The following GTF3C3 variants were observed in gnomAD, a reference collection of about 807,000 sequenced individuals.
GTF3C3 encodes the protein general transcription factor 3C polypeptide 3.
A neutral mutation model predicts 105.2 loss-of-function variants in GTF3C3; 75 were observed. The ratio of observed to expected loss-of-function variants is 0.71; its 90% confidence interval spans 0.59 to 0.86. GTF3C3 has a LOEUF of 0.86. Ranked by LOEUF, GTF3C3 falls within the 40% of genes least tolerant of loss-of-function variation. The pLI, the probability that GTF3C3 is intolerant of heterozygous loss-of-function variation, is 0.00. For missense variants in GTF3C3, 856 were observed against 1,076.5 expected (o/e 0.80, Z 2.87); for synonymous variants, 335 against 370.4 (o/e 0.90, Z 1.10).
At chr2:196,792,363 G>C (rs1473335504) in intron 3 of GTF3C3, among the ~76,000 whole-genome samples, 1 of 152,048 alleles carries the variant, frequency 6.6e-6, no homozygotes, top group Non-Finnish European at 1.5e-5. Context: ...GCCTCACTAT[G>C]TTGCTCAGGC....
In GTF3C3 at chr2:196,793,168, T is replaced by C. The variant is rs1699582081; in HGVS notation, c.215-16A>G. On this transcript the variant is annotated splice_polypyrimidine_tract_variant and intron_variant, in intron 2 of 17. Transcript: ENST00000263956. ...GATGTTTCTCCTGAGAAAAGAGACA[T>C]TGATGGGGGAGGGGTGGGGAAGCTG... is the stretch of plus-strand genomic sequence containing the variant. 3 of 1,555,448 alleles carry C rather than the reference T, an allele frequency of 1.9e-6. No homozygotes were observed. Among genetic ancestry groups the C allele is most frequent in the Non-Finnish European group, 2.6e-6 (3 of 1,138,554 alleles).
At chr2:196,781,518 G>T (rs758731330) in intron 8 of GTF3C3, among the ~76,000 whole-genome samples, 32 of 150,648 alleles carry the variant, frequency 2.1e-4, no homozygotes, top group Non-Finnish European at 4.3e-4. Flanking sequence ...ATCTAGAGAT[G>T]ATTTAAAGTA....
rs757301031 is a variant in GTF3C3 at position 196,768,080 on chromosome 2, T to C, written c.2386-1363A>G. Among the ~76,000 whole-genome samples the C allele has an allele frequency of 3.9e-5, 6 of 152,228 alleles. No individual in the cohort carries two copies. The East Asian group carries it at 5.8e-4, about 15-fold the overall frequency. ...TCTATCACACAGGAGTGCAGTGGTGTGATCTCAGCTCATTGCAACCTCCAC... is the reference window on the plus strand; with the variant it reads ...TCTATCACACAGGAGTGCAGTGGTGCGATCTCAGCTCATTGCAACCTCCAC... On this transcript the variant is annotated intron_variant, in intron 16 of 17. Transcript: ENST00000263956.
chr2:196,792,512 A>G (rs1004572481), intron 3 of GTF3C3, among the ~76,000 whole-genome samples: 7 of 152,116 alleles, frequency 4.6e-5, no homozygotes, highest in Admixed American at 2.6e-4. Context: ...ATAAGCAATA[A>G]TTAAGGTTTT....
At chr2:196,769,778 G>A (rs1699137836) in intron 16 of GTF3C3, 137 bp downstream of exon 16, 2 of 635,236 alleles carry the variant, frequency 3.1e-6, no homozygotes, top group East Asian at 2.9e-5. Context: ...GAACACTGGG[G>A]TAAGTGTTGG....
intron 2 of GTF3C3, among the ~76,000 whole-genome samples, chr2:196,795,364 C>A (rs1219484684): frequency 6.6e-6 from 1 of 152,202 alleles, no homozygotes; most frequent in East Asian, 1.9e-4. Flanking sequence ...TACGCATACT[C>A]ACTTATGTGA....
At chr2:196,798,991 GA>G (rs960780246) in intron 1 of GTF3C3, among the ~76,000 whole-genome samples, 14 of 151,872 alleles carry the variant, frequency 9.2e-5, no homozygotes, top group Non-Finnish European at 1.8e-4. Flanking sequence ...TAAGTATGGG[GA>G]AAAAAAAGGT....
chr2:196,769,164 C>G (rs1265616563), intron 16 of GTF3C3, among the ~76,000 whole-genome samples: 1 of 152,136 alleles, frequency 6.6e-6, no homozygotes, highest in Non-Finnish European at 1.5e-5. Flanking sequence ...TTAATGAACT[C>G]ATACCTAGTT....
intron 1 of GTF3C3, among the ~76,000 whole-genome samples, chr2:196,798,179 AAAAT>A (rs750088611): frequency 6.6e-4 from 100 of 152,344 alleles, no homozygotes; most frequent in African/African-American, 1.9e-3. Context: ...TTTGTAAAAA[AAAAT>A]AAATAAAATA....
intron 4 of GTF3C3, 45 bp from the exon 5 acceptor site, chr2:196,790,115 G>A (rs748349495): frequency 1.5e-4 from 191 of 1,316,590 alleles, no homozygotes; most frequent in Middle Eastern, 3.7e-4. Flanking sequence ...GAGAGAAGAG[G>A]CTTGAGTTGA....
intron 2 of GTF3C3, among the ~76,000 whole-genome samples, chr2:196,797,103 G>A (rs1699660344): frequency 6.6e-6 from 1 of 152,188 alleles, no homozygotes; most frequent in African/African-American, 2.4e-5. Context: ...TATACATGAA[G>A]CTACATTCTA....
chr2:196,787,819 G>A (rs1052402352), intron 6 of GTF3C3, among the ~76,000 whole-genome samples: 8 of 152,118 alleles, frequency 5.3e-5, no homozygotes, highest in African/African-American at 1.9e-4. Context: ...CTGGTCTCCT[G>A]TATAGTACCT....
At chr2:196,793,704 A>G (rs1166869206) in intron 2 of GTF3C3, among the ~76,000 whole-genome samples, 8 of 152,186 alleles carry the variant, frequency 5.3e-5, no homozygotes, top group Non-Finnish European at 1.2e-4. Flanking sequence ...GTATATATAC[A>G]CTTAGAATGC....
At chr2:196,773,463 C>G (rs1279459287) in intron 13 of GTF3C3, among the ~76,000 whole-genome samples, 4 of 152,138 alleles carry the variant, frequency 2.6e-5, no homozygotes, top group Non-Finnish European at 2.9e-5. Flanking sequence ...CAGGGTAGAA[C>G]AAGTATACTT....
At chr2:196,764,970 G>GA (rs1344152842) in intron 17 of GTF3C3, among the ~76,000 whole-genome samples, 1 of 151,956 alleles carries the variant, frequency 6.6e-6, no homozygotes, top group Non-Finnish European at 1.5e-5. Context: ...AACCATAAAA[G>GA]AAAAAATACA....
intron 16 of GTF3C3, chr2:196,766,926 A>T: frequency 2.8e-6 from 1 of 358,964 alleles, no homozygotes; most frequent in Non-Finnish European, 5.0e-6. Context: ...GCTAGGGATA[A>T]ATATTCACAG....
In GTF3C3 at chr2:196,775,145, T is replaced by G; in HGVS notation, c.1802A>C (p.Asp601Ala). Residue 601 changes from aspartate (D) to alanine (A), a missense_variant, in exon 13 of 18, where the codon GAC becomes GCC. Asp to Ala is a moderately radical substitution (Grantham distance 126). Coordinates refer to ENST00000263956, the MANE Select transcript of GTF3C3 (RefSeq NM_012086.5). ...TGCATCACAATTTGCTGACTCTTGG[T>G]CATTGCTGTCTGATATTTTGTCTCT... Reference protein sequence around the residue: ...VSRDKISDSNDQESANCDAKA... With the variant: ...VSRDKISDSNAQESANCDAKA... 6.2e-7 allele frequency: 1 copy of G among 1,613,070 alleles called. No homozygotes were observed. Among genetic ancestry groups the G allele is most frequent in the Non-Finnish European group, 8.5e-7 (1 of 1,179,260 alleles).
chr2:196,793,007 A>T lies in GTF3C3; in HGVS notation c.360T>A (p.Asp120Glu), dbSNP rs775604234. The change falls in exon 3 of 18, where the codon GAT becomes GAA. Residue 120 changes from aspartate (D) to glutamate (E), a missense_variant. By Grantham distance (45) the Asp-to-Glu change is conservative (BLOSUM62 2). This residue lies in a region of GTF3C3 where 605 missense variants were observed against 833.6 expected (regional missense o/e 0.73). Transcript: ENST00000263956. The part of the protein sequence containing the change: ...EETPEQPTAG[D>E]VFVLEMVLNR... ...TGAGAACCATCTCCAATACAAATACATCGCCCGCAGTGGGTTGCTCAGGTG... is the reference window on the plus strand; with the variant it reads ...TGAGAACCATCTCCAATACAAATACTTCGCCCGCAGTGGGTTGCTCAGGTG... The T allele has an allele frequency of 6.2e-7, 1 of 1,613,874 alleles. No homozygotes were observed. Among genetic ancestry groups the T allele is most frequent in the South Asian group, 1.1e-5 (1 of 91,058 alleles).
In GTF3C3 at chr2:196,776,127, CATG is replaced by C. The variant is rs1205934162; in HGVS notation, c.1594-19_1594-17del. 3 of 1,280,658 alleles carry C rather than the reference CATG, an allele frequency of 2.3e-6. No homozygotes were observed. The highest frequency in any genetic ancestry group is 2.6e-5 in the South Asian group (2 of 77,162). The allele number at this position is 1,280,658 out of a possible 1,614,324, so 79.3% of individuals were successfully genotyped here. On this transcript the variant is annotated splice_polypyrimidine_tract_variant and intron_variant, in intron 11 of 17. Transcript: ENST00000263956. This position sits in a 1 kb window ranked among gnomAD's most constrained non-coding sequence, Gnocchi z 4.5. Reference sequence around the variant, plus strand: ...ACTTCAGTTCCTAAACAAATAAGCACATGATGATGAGCCTAACAAGATTCCTTT... The same window carrying C: ...ACTTCAGTTCCTAAACAAATAAGCACATGATGAGCCTAACAAGATTCCTTT...
Sources: allele counts gnomAD v4.1 joint callset (sites outside exome capture counted in the v4.1 genomes callset), GRCh38; gene constraint gnomAD v4.1.1; regional missense constraint gnomAD v4.1.1; non-coding constraint Gnocchi (gnomAD v3.1); transcripts MANE v1.5; gene names NCBI Gene and HGNC (gene_info 2026-07-23, HGNC 2026-07-21).